MGAT4C: variants seen among roughly 807,000 people sequenced by gnomAD.
MGAT4C encodes the protein alpha-1,3-mannosyl-glycoprotein 4-beta-N-acetylglucosaminyltransferase C.
In MGAT4C, 19 loss-of-function variants were observed where a neutral mutation model predicts 40.1. That is an observed-to-expected ratio of 0.47 (90% CI 0.33 to 0.70). The LOEUF is 0.70. Among genes scored for constraint, MGAT4C ranks in the 30% least tolerant of loss-of-function variants. The pLI is 0.02. For missense variants in MGAT4C, 491 were observed against 563.2 expected (o/e 0.87, Z 1.30); for synonymous variants, 181 against 187.1 (o/e 0.97, Z 0.27).
chr12:86,487,552 A>G (rs570156968), intron 2 of MGAT4C, among the ~76,000 whole-genome samples: 1 of 152,222 alleles, frequency 6.6e-6, no homozygotes, highest in South Asian at 2.1e-4. Context: ...GGGGTTCTTG[A>G]TTTTCTTAGA....
chr12:86,661,725 C>G (rs941675688), intron 2 of MGAT4C, among the ~76,000 whole-genome samples: 42 of 151,982 alleles, frequency 2.8e-4, no homozygotes, highest in African/African-American at 9.9e-4. Flanking sequence ...GTTGGTGGAT[C>G]ACTTGAGGTC....
intron 1 of MGAT4C, among the ~76,000 whole-genome samples, chr12:86,248,550 T>G (rs1225081215): frequency 6.6e-6 from 1 of 152,058 alleles, no homozygotes; most frequent in East Asian, 1.9e-4. Flanking sequence ...GCTCTGAGAG[T>G]TAATATTAAA....
chr12:86,082,160 A>G (rs1322110359), intron 1 of MGAT4C, among the ~76,000 whole-genome samples: 1 of 152,172 alleles, frequency 6.6e-6, no homozygotes, highest in Non-Finnish European at 1.5e-5. Context: ...AGCACAGTAT[A>G]ATAAAAAACC....
chr12:86,608,701 AG>A (rs1962135729), intron 2 of MGAT4C, among the ~76,000 whole-genome samples: 1 of 151,586 alleles, frequency 6.6e-6, no homozygotes, highest in Non-Finnish European at 1.5e-5. Flanking sequence ...TAAATAAACC[AG>A]TATGTAAAAA....
At chr12:86,743,282 T>A (rs1296102855) in intron 1 of MGAT4C, among the ~76,000 whole-genome samples, 3 of 151,590 alleles carry the variant, frequency 2.0e-5, no homozygotes, top group South Asian at 4.1e-4. Flanking sequence ...ACTTTAAAAC[T>A]TTTTTAACAT....
intron 2 of MGAT4C, among the ~76,000 whole-genome samples, chr12:86,654,877 T>C (rs964672940): frequency 2.6e-5 from 4 of 152,000 alleles, no homozygotes; most frequent in Admixed American, 2.0e-4. Flanking sequence ...GATCATCAAT[T>C]ACTAGAACTT....
At position 86,324,445 on chromosome 12, in the gene MGAT4C, T is replaced by A. The variant is rs147505371; in HGVS notation, c.-57+9620A>T. 5.5e-4 allele frequency among the ~76,000 whole-genome samples: 83 copies of A among 151,414 alleles called. 1 individual carries two copies. In the East Asian group the frequency reaches 0.012, roughly 23 times the overall value. On this transcript the variant is annotated intron_variant, in intron 4 of 7. Transcript: ENST00000548651. Reference sequence around the variant, plus strand: ...ATATTCTACATTAATTTTATTTTATTTTGTTTGATTTTGATATATTTATTA... The same window carrying A: ...ATATTCTACATTAATTTTATTTTATATTGTTTGATTTTGATATATTTATTA...
At chr12:86,067,086 A>T (rs1422809934) in intron 1 of MGAT4C, among the ~76,000 whole-genome samples, 1 of 152,246 alleles carries the variant, frequency 6.6e-6, no homozygotes, top group African/African-American at 2.4e-5. Flanking sequence ...ATGGAGAAAT[A>T]GGAATGCTTC....
At chr12:86,832,695 T>A (rs1952955170) in intron 1 of MGAT4C, among the ~76,000 whole-genome samples, 1 of 151,948 alleles carries the variant, frequency 6.6e-6, no homozygotes, top group African/African-American at 2.4e-5. Context: ...CATTATAGTA[T>A]GGTGATTAAA....
At chr12:85,990,340 T>G (rs1328926790) in intron 2 of MGAT4C, among the ~76,000 whole-genome samples, 2 of 152,172 alleles carry the variant, frequency 1.3e-5, no homozygotes, top group African/African-American at 4.8e-5. Context: ...ACATTATTCA[T>G]TATTTTATAA....
chr12:85,962,338 G>C lies in MGAT4C; in HGVS notation c.*16951C>G, dbSNP rs951316797. 1.3e-5 allele frequency: 2 copies of C among 150,470 alleles called. No homozygotes were observed. The highest frequency in any genetic ancestry group is 4.9e-5 in the African/African-American group (2 of 41,088). The allele number at this position is 150,470 out of a possible 1,614,324, so 9.3% of individuals were successfully genotyped here. A position where few individuals can be genotyped will look rare whatever the true frequency, so the allele number is the denominator to read the frequency against. The stretch of plus-strand genomic sequence containing the variant: ...ATTTAGAGACTAATTTGACCATTTT[G>C]ATTCAAATGTCTAAAGGCTAAACCA... On this transcript the variant is annotated 3_prime_UTR_variant, in exon 5 of 5. Transcript: ENST00000611864.
intron 1 of MGAT4C, among the ~76,000 whole-genome samples, chr12:86,132,432 CCA>C (rs574871284): frequency 1.3e-5 from 2 of 152,000 alleles, no homozygotes; most frequent in South Asian, 4.2e-4. Flanking sequence ...ATCACTTCTT[CCA>C]CAATCTTATG....
chr12:86,181,565 A>C (rs374604370), intron 1 of MGAT4C, among the ~76,000 whole-genome samples: 108 of 152,320 alleles, frequency 7.1e-4, no homozygotes, highest in African/African-American at 2.3e-3. Context: ...AAGGATCCTA[A>C]GTATATCAAT....
chr12:86,809,475 T>C (rs1952428384), intron 1 of MGAT4C, among the ~76,000 whole-genome samples: 1 of 152,024 alleles, frequency 6.6e-6, no homozygotes, highest in African/African-American at 2.4e-5. Context: ...TCCCAGAGTA[T>C]ATCCACCATT....
At chr12:86,749,340 A>G (rs560253128) in intron 1 of MGAT4C, among the ~76,000 whole-genome samples, 1 of 151,742 alleles carries the variant, frequency 6.6e-6, no homozygotes, top group Non-Finnish European at 1.5e-5. Flanking sequence ...TAATTGTATT[A>G]TATTGCATTA....
chr12:86,229,425 T>C (rs549394320), intron 1 of MGAT4C, among the ~76,000 whole-genome samples: 5 of 152,092 alleles, frequency 3.3e-5, no homozygotes, highest in African/African-American at 1.2e-4. Flanking sequence ...AAGATATTTA[T>C]GTGGACAAAG....
chr12:86,745,236 T>A (rs1951135813), intron 1 of MGAT4C: 1 of 151,556 alleles, frequency 6.6e-6, no homozygotes, highest in South Asian at 2.1e-4. Flanking sequence ...TTTAAAATGA[T>A]ATGGAAGGTC....
chr12:86,527,394 G>A (rs951795688), intron 2 of MGAT4C, among the ~76,000 whole-genome samples: 6 of 152,086 alleles, frequency 3.9e-5, no homozygotes, highest in African/African-American at 1.4e-4. Context: ...TTTTATTACT[G>A]TATCTTTGTC....
chr12:86,628,477 T>C (rs1394400638), intron 2 of MGAT4C, among the ~76,000 whole-genome samples: 2 of 137,064 alleles, frequency 1.5e-5, no homozygotes, highest in Non-Finnish European at 3.2e-5. Flanking sequence ...AAGGAAAAAA[T>C]GTTAAGGGTA....
Sources: gnomAD v4.1 joint callset for allele counts (sites outside exome capture counted in the v4.1 genomes callset) on GRCh38, gnomAD v4.1.1 for gene constraint, MANE v1.5 for transcripts, NCBI Gene and HGNC (gene_info 2026-07-23, HGNC 2026-07-21) for gene names.